The following FOXO3 variants were observed in gnomAD, a reference collection of about 807,000 sequenced individuals.
The protein encoded by FOXO3 is forkhead box O3.
A neutral mutation model predicts 41.9 loss-of-function variants in FOXO3; 4 were observed. That is an observed-to-expected ratio of 0.10 (90% confidence interval 0.05 to 0.22). FOXO3 has a LOEUF of 0.22. FOXO3 is among the 10% of genes least tolerant of loss of function. FOXO3 has a pLI of 1.00. For missense variants in FOXO3, 534 were observed against 906.8 expected, an observed-to-expected ratio of 0.59 and a Z score of 5.28; for synonymous variants, 318 against 389.3, an observed-to-expected ratio of 0.82 and a Z score of 2.16.
chr6:108,585,027 T>TTTTTTC (rs1776536564), intron 1 of FOXO3, among the ~76,000 whole-genome samples: 1 of 100,912 alleles, frequency 9.9e-6, no homozygotes, highest in Non-Finnish European at 2.1e-5. Context: ...AAAATCTTTT[T>TTTTTTC]TTTTTTTTTT....
chr6:108,662,427 G>A (rs1778896159), intron 1 of FOXO3, among the ~76,000 whole-genome samples: 1 of 152,118 alleles, frequency 6.6e-6, no homozygotes. Context: ...ACTATGCTCA[G>A]CCCACACTAA....
chr6:108,591,886 T>TA lies in FOXO3; in HGVS notation c.621+30071dup, dbSNP rs10583126. 1.4e-3 allele frequency among the ~76,000 whole-genome samples: 203 copies of TA among 150,124 alleles called. 1 individual carries two copies. Among genetic ancestry groups the TA allele is most frequent in the African/African-American group, 4.6e-3 (186 of 40,772 alleles). ...AGCTAAGCACCACCCTCTTTTTAGTTAAAAAAAAAAAAAAGTTTGGAAAAT... is the reference window on the plus strand; with the variant it reads ...AGCTAAGCACCACCCTCTTTTTAGTTAAAAAAAAAAAAAAAGTTTGGAAAAT... On this transcript the variant is annotated intron_variant, in intron 1 of 2. Transcript: ENST00000406360.
chr6:108,632,980 T>A (rs1328761010), intron 1 of FOXO3, among the ~76,000 whole-genome samples: 1 of 152,202 alleles, frequency 6.6e-6, no homozygotes, highest in Admixed American at 6.6e-5. Context: ...GTAAATTTTT[T>A]TTTTCCATAA....
chr6:108,663,026 CTT>C (rs1778916064), intron 1 of FOXO3, among the ~76,000 whole-genome samples: 1 of 152,140 alleles, frequency 6.6e-6, no homozygotes, highest in Non-Finnish European at 1.5e-5. Flanking sequence ...ATATATGTGT[CTT>C]TTTGAATTAG....
At chr6:108,655,499 G>C (rs149017472) in intron 1 of FOXO3, among the ~76,000 whole-genome samples, 70 of 152,218 alleles carry the variant, frequency 4.6e-4, no homozygotes, top group African/African-American at 1.6e-3. Context: ...ATTGGTTCTT[G>C]GCCCTAATTG....
chr6:108,602,067 T>C (rs915552731), intron 1 of FOXO3, among the ~76,000 whole-genome samples: 1 of 152,272 alleles, frequency 6.6e-6, no homozygotes, highest in Non-Finnish European at 1.5e-5. Context: ...AATATTTCAT[T>C]AATTTAGCTG....
chr6:108,588,703 A>G (rs1776653260), intron 1 of FOXO3, among the ~76,000 whole-genome samples: 2 of 152,224 alleles, frequency 1.3e-5, no homozygotes, highest in South Asian at 4.1e-4. Flanking sequence ...TGACTGGGAA[A>G]CAATGGGCTG....
rs1775763853 is a variant in FOXO3 at position 108,560,954 on chromosome 6, C to A, written c.-255C>A. 3 of 1,319,164 alleles carry A rather than the reference C, an allele frequency of 2.3e-6. No individual in the cohort carries two copies. The highest frequency in any genetic ancestry group is 4.3e-5 in the South Asian group (2 of 46,612). 81.7% of individuals were successfully genotyped at this position (1,319,164 alleles called of 1,614,324 possible). On this transcript the variant is annotated 5_prime_UTR_variant, in exon 1 of 3. Transcript: ENST00000406360. Reference sequence around the variant, plus strand: ...GCCAGGTTCGCTGGCCGCACGTCTTCAGGTCCTCCTGTTCCTGGGAGGCGG... The same window carrying A: ...GCCAGGTTCGCTGGCCGCACGTCTTAAGGTCCTCCTGTTCCTGGGAGGCGG...
intron 1 of FOXO3, among the ~76,000 whole-genome samples, chr6:108,595,306 A>G (rs1431820880): frequency 6.6e-6 from 1 of 152,222 alleles, no homozygotes; most frequent in Non-Finnish European, 1.5e-5. Context: ...GAGGAGGTAG[A>G]GAGAAAAAAC....
chr6:108,567,977 G>A (rs1775990299), intron 1 of FOXO3, among the ~76,000 whole-genome samples: 1 of 152,102 alleles, frequency 6.6e-6, no homozygotes, highest in African/African-American at 2.4e-5. Flanking sequence ...GAACCTGGGA[G>A]GCGGAGGTTG....
rs1775766978 is a variant in FOXO3 at position 108,561,036 on chromosome 6, C to T, written c.-173C>T. The T allele has an allele frequency of 7.2e-7, 1 of 1,390,020 alleles. No individual in the cohort carries two copies. The highest frequency in any genetic ancestry group is 9.2e-7 in the Non-Finnish European group (1 of 1,084,834). The allele number at this position is 1,390,020 out of a possible 1,614,324, so 86.1% of individuals were successfully genotyped here. On this transcript the variant is annotated 5_prime_UTR_variant, in exon 1 of 3. Transcript: ENST00000406360. ...GCGAGGACTCGCCGAGGACGGGGCTCCGGCCCGGGATAACCAACTCTCCTT... is the reference window on the plus strand; with the variant it reads ...GCGAGGACTCGCCGAGGACGGGGCTTCGGCCCGGGATAACCAACTCTCCTT...
chr6:108,664,183 C>A lies in FOXO3; in HGVS notation c.1350C>A (p.Thr450=). Reference sequence around the variant, plus strand: ...CCCTACGCCAGTCTCCCATGCAGACCATCCAAGAGAACAAGCCAGCTACCT... The same window carrying A: ...CCCTACGCCAGTCTCCCATGCAGACAATCCAAGAGAACAAGCCAGCTACCT... ...LNSLRQSPMQ[T]IQENKPATFS... is the part of the protein sequence containing the mutation. The change falls in exon 2 of 3, where the codon ACC becomes ACA. Residue 450 remains threonine (T), a synonymous_variant. Coordinates refer to ENST00000406360, the MANE Select transcript of FOXO3 (RefSeq NM_001455.4). 1 of 1,613,658 alleles carries A rather than the reference C, an allele frequency of 6.2e-7. No homozygotes were observed. The highest frequency in any genetic ancestry group is 8.5e-7 in the Non-Finnish European group (1 of 1,179,798).
intron 1 of FOXO3, among the ~76,000 whole-genome samples, chr6:108,626,154 C>G (rs1777809575): frequency 6.6e-6 from 1 of 152,192 alleles, no homozygotes; most frequent in African/African-American, 2.4e-5. Context: ...TAAACAGCTA[C>G]CATTTTAATG....
chr6:108,676,285 G>A (rs1770586185), intron 2 of FOXO3, among the ~76,000 whole-genome samples: 1 of 152,222 alleles, frequency 6.6e-6, no homozygotes, highest in African/African-American at 2.4e-5. Context: ...TACTTGCAGA[G>A]TAAACTACAA....
At chr6:108,628,375 T>C (rs1390113505) in intron 1 of FOXO3, among the ~76,000 whole-genome samples, 2 of 152,262 alleles carry the variant, frequency 1.3e-5, no homozygotes, top group Non-Finnish European at 2.9e-5. Flanking sequence ...AAGCCCTGTA[T>C]GAGTGTGTCT....
intron 1 of FOXO3, among the ~76,000 whole-genome samples, chr6:108,657,860 A>G (rs1271884161): frequency 1.3e-5 from 2 of 152,186 alleles, no homozygotes; most frequent in African/African-American, 4.8e-5. Flanking sequence ...CTGCTTTACC[A>G]ACATTTAAGT....
chr6:108,561,858 G>T (rs767122602), intron 1 of FOXO3, 29 bp downstream of exon 1: 11 of 1,509,438 alleles, frequency 7.3e-6, no homozygotes, highest in Non-Finnish European at 8.9e-6. Context: ...CTGGCAGCAG[G>T]ACCCGCCGGG....
chr6:108,607,802 T>G (rs928076168), intron 1 of FOXO3, among the ~76,000 whole-genome samples: 2 of 152,218 alleles, frequency 1.3e-5, no homozygotes, highest in Non-Finnish European at 2.9e-5. Context: ...AAATATTTAT[T>G]GATGCTTACT....
At chr6:108,588,121 A>G (rs1197509872) in intron 1 of FOXO3, among the ~76,000 whole-genome samples, 3 of 152,262 alleles carry the variant, frequency 2.0e-5, no homozygotes, top group Non-Finnish European at 2.9e-5. Context: ...ATCTGCTAAC[A>G]GTTGCATTGC....
Sources: allele counts gnomAD v4.1 joint callset (sites outside exome capture counted in the v4.1 genomes callset), GRCh38; gene constraint gnomAD v4.1.1; transcripts MANE v1.5; gene names NCBI Gene and HGNC (gene_info 2026-07-23, HGNC 2026-07-21).